Variants in NIBAN1 observed in about 807,000 individuals in gnomAD.
NIBAN1 encodes niban apoptosis regulator 1.
NIBAN1 carries 81 observed loss-of-function variants against 75.1 expected under a neutral mutation model. The observed-to-expected ratio is 1.08, with a 90% CI of 0.90 to 1.30. The LOEUF is 1.30. NIBAN1 is among the 50% of genes most tolerant of loss of function. The pLI is 0.00. For synonymous variants in NIBAN1, 436 were observed against 424.8 expected (o/e 1.03, Z -0.32); for missense variants, 1,133 against 1,128.1 (o/e 1.00, Z -0.06).
intron 1 of NIBAN1, among the ~76,000 whole-genome samples, chr1:184,939,670 T>C (rs940772076): frequency 1.3e-5 from 2 of 152,216 alleles, no homozygotes; most frequent in African/African-American, 4.8e-5. Flanking sequence ...GGGCAAGTTA[T>C]CTAACTTTCC....
chr1:184,869,070 AC>A (rs1656031568), intron 5 of NIBAN1, among the ~76,000 whole-genome samples: 1 of 152,100 alleles, frequency 6.6e-6, no homozygotes, highest in Non-Finnish European at 1.5e-5. Flanking sequence ...AATTCTTAGG[AC>A]CCACCCCAGG....
chr1:184,821,063 G>A (rs79145231), intron 8 of NIBAN1, among the ~76,000 whole-genome samples: 58 of 152,242 alleles, frequency 3.8e-4, no homozygotes, highest in Non-Finnish European at 7.5e-4. Flanking sequence ...TTGTTCTACC[G>A]CTGGTAGGAA....
intron 10 of NIBAN1, 67 bp from the exon 11 acceptor site, chr1:184,806,123 G>A: frequency 2.3e-6 from 3 of 1,327,078 alleles, no homozygotes; most frequent in Non-Finnish European, 3.2e-6. Context: ...CACAGGCCTG[G>A]CTAAGTGGGA....
chr1:184,951,237 G>T (rs190610237), intron 1 of NIBAN1, among the ~76,000 whole-genome samples: 1 of 152,320 alleles, frequency 6.6e-6, no homozygotes, highest in East Asian at 1.9e-4. Context: ...ATCTTGGAGG[G>T]TTATTATGAG....
chr1:184,802,546 C>T (rs892043624), intron 12 of NIBAN1, among the ~76,000 whole-genome samples: 1 of 152,170 alleles, frequency 6.6e-6, no homozygotes, highest in Non-Finnish European at 1.5e-5. Context: ...ATATGCCCCA[C>T]AAATAAATGC....
At chr1:184,934,752 G>A (rs1407279446) in intron 1 of NIBAN1, among the ~76,000 whole-genome samples, 9 of 152,122 alleles carry the variant, frequency 5.9e-5, no homozygotes, top group South Asian at 2.1e-4. Context: ...CAAGTTAGCC[G>A]GGCATGGTGG....
intron 1 of NIBAN1, among the ~76,000 whole-genome samples, chr1:184,958,364 TCACACACACA>T (rs3035788): frequency 5.9e-4 from 84 of 142,710 alleles, no homozygotes; most frequent in East Asian, 1.2e-3. Context: ...GACAGAGGAG[TCACACACACA>T]CACACACACA....
chr1:184,947,785 C>T (rs1215618287), intron 1 of NIBAN1, among the ~76,000 whole-genome samples: 1 of 152,180 alleles, frequency 6.6e-6, no homozygotes, highest in African/African-American at 2.4e-5. Context: ...TCAGTCCTGG[C>T]ACAATTCACT....
At chr1:184,964,638 T>G (rs3890655) in intron 1 of NIBAN1, among the ~76,000 whole-genome samples, 82,841 of 151,960 alleles carry the variant, frequency 0.55, 24,031 homozygotes, top group Non-Finnish European at 0.65. Flanking sequence ...TAGCTCAGTG[T>G]CTGTCCCATG....
chr1:184,917,000 T>C (rs1571571592), intron 1 of NIBAN1, among the ~76,000 whole-genome samples: 1 of 152,250 alleles, frequency 6.6e-6, no homozygotes, highest in South Asian at 2.1e-4. Context: ...AAAATCTTTC[T>C]TCAAAATCTG....
intron 1 of NIBAN1, among the ~76,000 whole-genome samples, chr1:184,931,013 T>TTC (rs1416339192): frequency 8.1e-5 from 12 of 148,592 alleles, no homozygotes; most frequent in African/African-American, 3.0e-4. Context: ...TTTTTTTTTT[T>TTC]TTTTGAGACT....
At chr1:184,907,331 G>C (rs1197773431) in intron 1 of NIBAN1, among the ~76,000 whole-genome samples, 1 of 152,046 alleles carries the variant, frequency 6.6e-6, no homozygotes, top group East Asian at 1.9e-4. Context: ...TTATTTCCTG[G>C]CAACTGAGGA....
At chr1:184,920,708 G>A (rs191602695) in intron 1 of NIBAN1, among the ~76,000 whole-genome samples, 70 of 152,088 alleles carry the variant, frequency 4.6e-4, no homozygotes, top group African/African-American at 1.4e-3. Context: ...TATAAAAGTC[G>A]AAGCAAACAA....
chr1:184,909,533 T>A (rs1657187250), intron 1 of NIBAN1, among the ~76,000 whole-genome samples: 1 of 152,280 alleles, frequency 6.6e-6, no homozygotes, highest in African/African-American at 2.4e-5. Flanking sequence ...GAAGGTAGTA[T>A]TGCTAGGCTT....
At chr1:184,827,689 C>A (rs74132053) in intron 6 of NIBAN1, among the ~76,000 whole-genome samples, 5,923 of 150,956 alleles carry the variant, frequency 0.039, 223 homozygotes, top group East Asian at 0.11. Context: ...TGATCAAAAC[C>A]AACAAACCCG....
intron 8 of NIBAN1, among the ~76,000 whole-genome samples, chr1:184,820,751 A>G (rs1218699014): frequency 6.6e-6 from 1 of 152,272 alleles, no homozygotes; most frequent in Non-Finnish European, 1.5e-5. Context: ...CGACTCTACC[A>G]CAACTAGCTC....
intron 1 of NIBAN1, among the ~76,000 whole-genome samples, chr1:184,920,657 A>C (rs895837778): frequency 6.6e-6 from 1 of 152,186 alleles, no homozygotes. Flanking sequence ...TAAATATCTT[A>C]ATTATTATTA....
At chr1:184,909,880 A>C (rs1394045002) in intron 1 of NIBAN1, among the ~76,000 whole-genome samples, 1 of 152,210 alleles carries the variant, frequency 6.6e-6, no homozygotes, top group Non-Finnish European at 1.5e-5. Flanking sequence ...TCACTGGATC[A>C]GTTAATCACT....
intron 5 of NIBAN1, among the ~76,000 whole-genome samples, chr1:184,840,223 C>G (rs542376469): frequency 1.4e-3 from 214 of 152,268 alleles, no homozygotes; most frequent in African/African-American, 4.9e-3. Context: ...CTTACGAGAA[C>G]CAGCCCCATT....
Sources: allele counts gnomAD v4.1 joint callset (sites outside exome capture counted in the v4.1 genomes callset), GRCh38; gene constraint gnomAD v4.1.1; transcripts MANE v1.5; gene names NCBI Gene and HGNC (gene_info 2026-07-23, HGNC 2026-07-21).